Variants in SGCD observed in about 807,000 individuals in gnomAD.
The protein encoded by SGCD is sarcoglycan delta.
In SGCD, 18 loss-of-function variants were observed where a neutral mutation model predicts 36.6. The ratio of observed to expected loss-of-function variants is 0.49; its 90% CI spans 0.34 to 0.73. The LOEUF is 0.73. SGCD is among the 30% of genes least tolerant of loss of function. The pLI, the probability that SGCD is intolerant of heterozygous loss-of-function variation, is 0.01. For synonymous variants in SGCD, 133 were observed against 130.6 expected (o/e 1.02, Z -0.12); for missense variants, 387 against 346.7 (o/e 1.12, Z -0.92).
At chr5:156,034,169 C>T (rs772421650) in intron 1 of SGCD, among the ~76,000 whole-genome samples, 13 of 152,148 alleles carry the variant, frequency 8.5e-5, no homozygotes, top group African/African-American at 1.4e-4. Flanking sequence ...TGCTTTCTTT[C>T]GTTTTCACAT....
chr5:156,569,699 A>G (rs1423292257), intron 4 of SGCD, among the ~76,000 whole-genome samples: 1 of 152,024 alleles, frequency 6.6e-6, no homozygotes, highest in Admixed American at 6.5e-5. Context: ...AAGAGGATGG[A>G]GAGTAAAGAG....
intron 1 of SGCD, among the ~76,000 whole-genome samples, chr5:156,093,581 C>T (rs1483782920): frequency 6.6e-6 from 1 of 152,198 alleles, no homozygotes; most frequent in Non-Finnish European, 1.5e-5. Flanking sequence ...CTAACTCCTA[C>T]CAGGATGCAC....
At chr5:155,757,118 T>C in the SGCD span, among the ~76,000 whole-genome samples, 2 of 152,178 alleles carry the variant, frequency 1.3e-5, no homozygotes, top group Non-Finnish European at 2.9e-5. Context: ...CATATTCTGT[T>C]TCAATTTCTG....
chr5:156,180,250 G>T (rs1376421886), intron 3 of SGCD, among the ~76,000 whole-genome samples: 1 of 152,232 alleles, frequency 6.6e-6, no homozygotes, highest in African/African-American at 2.4e-5. Flanking sequence ...AGAAATTACA[G>T]CAAACCATAA....
At chr5:155,959,657 A>C (rs1296878646) in intron 1 of SGCD, among the ~76,000 whole-genome samples, 1 of 152,136 alleles carries the variant, frequency 6.6e-6, no homozygotes, top group Non-Finnish European at 1.5e-5. Flanking sequence ...TATACATACA[A>C]TCAATATTTT....
intron 3 of SGCD, among the ~76,000 whole-genome samples, chr5:156,228,503 C>G (rs1764914072): frequency 6.6e-6 from 1 of 152,062 alleles, no homozygotes; most frequent in African/African-American, 2.4e-5. Flanking sequence ...TGTCTTTTTC[C>G]ACTTCTTTAC....
chr5:156,125,746 C>T (rs867234279), intron 3 of SGCD, among the ~76,000 whole-genome samples: 11 of 151,608 alleles, frequency 7.3e-5, no homozygotes, highest in African/African-American at 2.4e-4. Flanking sequence ...AAAAATACAA[C>T]ACAGTGTACC....
chr5:155,734,386 T>A, the SGCD span, among the ~76,000 whole-genome samples: 1 of 151,830 alleles, frequency 6.6e-6, no homozygotes, highest in African/African-American at 2.4e-5. Flanking sequence ...TTTTTGCATT[T>A]TTTTTGTAGA....
chr5:155,981,970 GGAAGGGA>G (rs1758237805), intron 1 of SGCD, among the ~76,000 whole-genome samples: 1 of 152,148 alleles, frequency 6.6e-6, no homozygotes, highest in Admixed American at 6.5e-5. Context: ...ATTCTAACCA[GGAAGGGA>G]GGACCCTGAG....
At chr5:155,748,445 C>G in the SGCD span, among the ~76,000 whole-genome samples, 1 of 152,068 alleles carries the variant, frequency 6.6e-6, no homozygotes, top group African/African-American at 2.4e-5. Flanking sequence ...ACAGACATAC[C>G]TGAGGCGTAT....
At chr5:156,012,536 A>G (rs183615656) in intron 1 of SGCD, among the ~76,000 whole-genome samples, 1 of 152,366 alleles carries the variant, frequency 6.6e-6, no homozygotes, top group East Asian at 1.9e-4. Context: ...TCAGGATATA[A>G]ATGTATTCAG....
At chr5:156,100,520 T>C (rs1016558084) in intron 1 of SGCD, among the ~76,000 whole-genome samples, 2 of 152,200 alleles carry the variant, frequency 1.3e-5, no homozygotes, top group African/African-American at 4.8e-5. Flanking sequence ...TTATTTCTTA[T>C]AGGAGCTCTT....
At chr5:156,344,442 C>T in intron 2 of SGCD, 47 bp from the exon 3 acceptor site, 2 of 1,298,146 alleles carry the variant, frequency 1.5e-6, no homozygotes. Context: ...TTTCTCTTCT[C>T]TCAGCGGTTT....
chr5:156,262,898 G>GGTGTGT (rs66684897), intron 3 of SGCD, among the ~76,000 whole-genome samples: 12 of 147,776 alleles, frequency 8.1e-5, no homozygotes, highest in African/African-American at 2.2e-4. Flanking sequence ...AGTATTCCAT[G>GGTGTGT]GTGTGTGTGT....
At chr5:156,452,772 A>G (rs993882796) in intron 3 of SGCD, among the ~76,000 whole-genome samples, 6 of 152,186 alleles carry the variant, frequency 3.9e-5, no homozygotes, top group Non-Finnish European at 8.8e-5. Flanking sequence ...TAACCCTGAC[A>G]TGCTGGAATG....
intron 3 of SGCD, among the ~76,000 whole-genome samples, chr5:156,444,195 CCT>C (rs1753661562): frequency 7.3e-6 from 1 of 136,624 alleles, no homozygotes; most frequent in African/African-American, 2.7e-5. Context: ...TCTCTCCTTC[CCT>C]CTCTCCCTCC....
the SGCD span, among the ~76,000 whole-genome samples, chr5:155,857,888 GACT>G: frequency 6.6e-6 from 1 of 152,170 alleles, no homozygotes; most frequent in African/African-American, 2.4e-5. Context: ...CATTTAATGT[GACT>G]ACTAACATGG....
chr5:156,536,595 G>C (rs1480299831), intron 4 of SGCD, among the ~76,000 whole-genome samples: 1 of 150,594 alleles, frequency 6.6e-6, no homozygotes, highest in Non-Finnish European at 1.5e-5. Context: ...TGAGGTGTTT[G>C]TTTGTTTGTT....
At chr5:156,752,629 G>A (rs563487115) in intron 7 of SGCD, among the ~76,000 whole-genome samples, 3 of 152,242 alleles carry the variant, frequency 2.0e-5, no homozygotes, top group African/African-American at 7.2e-5. Context: ...CCTGACCTCA[G>A]GTGATCCACC....
Sources: gnomAD v4.1 joint callset for allele counts (sites outside exome capture counted in the v4.1 genomes callset) on GRCh38, gnomAD v4.1.1 for gene constraint, MANE v1.5 for transcripts, NCBI Gene and HGNC (gene_info 2026-07-23, HGNC 2026-07-21) for gene names.